Variants in SLCO6A1 observed in about 807,000 individuals in gnomAD.
SLCO6A1 encodes cancer/testis antigen 48.
Under a neutral mutation model 72.7 loss-of-function variants are expected in SLCO6A1, and 65 were observed. That is an observed-to-expected ratio of 0.89 (90% CI 0.73 to 1.10). The LOEUF (loss-of-function observed/expected upper bound fraction) is 1.10, where lower values mean the gene tolerates loss of function less well. Ranked by LOEUF, SLCO6A1 falls within the 50% of genes least tolerant of loss-of-function variation. The probability of loss-of-function intolerance (pLI) is 0.00; values close to 1 mark genes in which losing one functional copy is unlikely to be tolerated. For missense variants in SLCO6A1, 874 were observed against 872.6 expected, an observed-to-expected ratio of 1.00 and a Z score of -0.02; for synonymous variants, 314 against 298.2, an observed-to-expected ratio of 1.05 and a Z score of -0.55.
chr5:102,378,081 T>A (rs1745905567), intron 12 of SLCO6A1, among the ~76,000 whole-genome samples: 1 of 151,922 alleles, frequency 6.6e-6, no homozygotes, highest in Non-Finnish European at 1.5e-5. Flanking sequence ...TATATAAGTG[T>A]ACCAAATGGA....
intron 9 of SLCO6A1, among the ~76,000 whole-genome samples, chr5:102,408,064 C>T (rs973692125): frequency 1.3e-5 from 2 of 152,092 alleles, no homozygotes; most frequent in African/African-American, 4.8e-5. Context: ...TTCCAAGATC[C>T]CTGAATGTCT....
At chr5:102,472,025 G>A (rs758178179) in intron 4 of SLCO6A1, among the ~76,000 whole-genome samples, 11 of 152,096 alleles carry the variant, frequency 7.2e-5, no homozygotes, top group East Asian at 1.9e-4. Flanking sequence ...AATAAATGCC[G>A]TAATCTTAAG....
At chr5:102,397,295 A>T (rs1481302310) in intron 10 of SLCO6A1, among the ~76,000 whole-genome samples, 1 of 152,078 alleles carries the variant, frequency 6.6e-6, no homozygotes, top group African/African-American at 2.4e-5. Context: ...CATTTTCTTA[A>T]ACTTGAGGAA....
At chr5:102,437,554 T>C (rs1351237268) in intron 7 of SLCO6A1, among the ~76,000 whole-genome samples, 1 of 152,130 alleles carries the variant, frequency 6.6e-6, no homozygotes. Context: ...ATTTGATTAA[T>C]CAGAGTGCCC....
At chr5:102,435,672 C>T (rs866281473) in intron 7 of SLCO6A1, among the ~76,000 whole-genome samples, 15 of 152,074 alleles carry the variant, frequency 9.9e-5, no homozygotes, top group African/African-American at 3.4e-4. Flanking sequence ...GTCGGGAGTT[C>T]GCGACCTGCC....
At position 102,498,788 on chromosome 5, in the gene SLCO6A1, T is replaced by C. The variant is rs773557201; in HGVS notation, c.57A>G (p.Val19=). The C allele has an allele frequency of 6.2e-7, 1 of 1,613,982 alleles. No individual in the cohort carries two copies. The change falls in exon 1 of 14, where the codon GTA becomes GTG. Residue 19 remains valine (V), a synonymous_variant. Coordinates refer to ENST00000506729, the MANE Select transcript of SLCO6A1 (RefSeq NM_173488.5). ...GGGCCCGCGCGGCCTCCAGCGGCTCTACTCCCCTTGAGACTTCATCCTGGC... is the reference window on the plus strand; with the variant it reads ...GGGCCCGCGCGGCCTCCAGCGGCTCCACTCCCCTTGAGACTTCATCCTGGC... ...SGSQDEVSRG[V]EPLEAARAQP... is the part of the protein sequence containing the mutation.
intron 4 of SLCO6A1, among the ~76,000 whole-genome samples, chr5:102,468,763 C>T (rs758978151): frequency 1.3e-4 from 20 of 150,834 alleles, no homozygotes; most frequent in Non-Finnish European, 2.2e-4. Flanking sequence ...GCAGATACTT[C>T]GTTTTCTTCT....
intron 12 of SLCO6A1, among the ~76,000 whole-genome samples, chr5:102,373,806 A>G (rs527931478): frequency 6.6e-6 from 1 of 152,324 alleles, no homozygotes; most frequent in Non-Finnish European, 1.5e-5. Context: ...TTAGCTATCA[A>G]TAGGAACCAG....
At chr5:102,476,629 C>G (rs1344394379) in intron 3 of SLCO6A1, among the ~76,000 whole-genome samples, 2 of 152,030 alleles carry the variant, frequency 1.3e-5, no homozygotes, top group Admixed American at 1.3e-4. Context: ...CTATCCAATT[C>G]ATGTATTAGA....
Position 102,394,731 on chromosome 5 carries a change from A to T in SLCO6A1, c.1815-3686T>A, listed in dbSNP as rs139575724. Among the ~76,000 whole-genome samples the T allele has an allele frequency of 8.8e-3, 1,347 of 152,236 alleles. 19 individuals are homozygous for T. The highest frequency in any genetic ancestry group is 0.031 in the African/African-American group (1,270 of 41,564). On this transcript the variant is annotated intron_variant, in intron 10 of 13. Transcript: ENST00000506729. ...AATCAAAATAGAGAATGGTGAATATAGTATGCTACCTCCTGTGATGAAAGG... is the reference window on the plus strand; with the variant it reads ...AATCAAAATAGAGAATGGTGAATATTGTATGCTACCTCCTGTGATGAAAGG...
intron 8 of SLCO6A1, among the ~76,000 whole-genome samples, chr5:102,418,874 T>C (rs1406428888): frequency 1.3e-5 from 2 of 152,172 alleles, no homozygotes; most frequent in Non-Finnish European, 2.9e-5. Context: ...CCTAGCTTCA[T>C]AATACAGCAA....
chr5:102,468,814 T>A (rs1013441897), intron 4 of SLCO6A1, among the ~76,000 whole-genome samples: 4 of 152,196 alleles, frequency 2.6e-5, no homozygotes, highest in Admixed American at 2.0e-4. Context: ...AAGTCTTTAA[T>A]CCATCTTGAG....
intron 9 of SLCO6A1, among the ~76,000 whole-genome samples, chr5:102,409,543 A>G (rs75218101): frequency 1.3e-5 from 2 of 152,166 alleles, no homozygotes; most frequent in Non-Finnish European, 2.9e-5. Context: ...TCTATCCATT[A>G]ATCGTTTCCA....
chr5:102,435,433 C>T (rs1430557417), intron 7 of SLCO6A1, among the ~76,000 whole-genome samples: 2 of 152,160 alleles, frequency 1.3e-5, no homozygotes, highest in Non-Finnish European at 2.9e-5. Context: ...TGTTACCCAA[C>T]GTGCCTCCCT....
At chr5:102,441,277 T>C (rs1218773974) in intron 6 of SLCO6A1, among the ~76,000 whole-genome samples, 1 of 152,172 alleles carries the variant, frequency 6.6e-6, no homozygotes, top group African/African-American at 2.4e-5. Flanking sequence ...TAATAGGAGG[T>C]AGAAATCCAT....
chr5:102,477,371 ACCTCAG>A lies in SLCO6A1; in HGVS notation c.802+299_802+304del, dbSNP rs879560336. Reference sequence around the variant, plus strand: ...ACTCCTGACCTCAAGTGATCTGCCCACCTCAGCCTCTCAAAGTTCTAGGATTACAGG... The same window carrying A: ...ACTCCTGACCTCAAGTGATCTGCCCACCTCTCAAAGTTCTAGGATTACAGG... On this transcript the variant is annotated intron_variant, in intron 3 of 13. Coordinates refer to ENST00000506729, the MANE Select transcript of SLCO6A1 (RefSeq NM_173488.5). Among the ~76,000 whole-genome samples, 167 of 152,084 alleles carry A rather than the reference ACCTCAG, an allele frequency of 1.1e-3. 1 individual carries two copies. The highest frequency in any genetic ancestry group is 2.1e-3 in the East Asian group (11 of 5,166).
chr5:102,460,931 TATA>T (rs1751001017), intron 4 of SLCO6A1, among the ~76,000 whole-genome samples: 1 of 13,752 alleles, frequency 7.3e-5, no homozygotes, highest in Admixed American at 5.8e-4. Context: ...TATATATATA[TATA>T]TATATATATA....
intron 13 of SLCO6A1, among the ~76,000 whole-genome samples, chr5:102,373,057 T>C (rs1030165904): frequency 2.0e-5 from 3 of 151,962 alleles, no homozygotes; most frequent in South Asian, 2.1e-4. Flanking sequence ...CAACAACTAA[T>C]GGGCTATCAC....
intron 12 of SLCO6A1, among the ~76,000 whole-genome samples, chr5:102,384,202 T>A (rs1325381325): frequency 6.6e-6 from 1 of 151,962 alleles, no homozygotes; most frequent in Admixed American, 6.6e-5. Context: ...ATTTTTATTA[T>A]TTCTTTTATT....
Sources: allele counts gnomAD v4.1 joint callset (sites outside exome capture counted in the v4.1 genomes callset), GRCh38; gene constraint gnomAD v4.1.1; transcripts MANE v1.5; gene names NCBI Gene and HGNC (gene_info 2026-07-23, HGNC 2026-07-21).